SCYL1: variants seen among roughly 807,000 people sequenced by gnomAD.
The protein encoded by SCYL1 is SCY1 like pseudokinase 1.
A neutral mutation model predicts 94.8 loss-of-function variants in SCYL1; 85 were observed. That is an observed-to-expected ratio of 0.90 (90% CI 0.75 to 1.07). The LOEUF is 1.07. SCYL1 is among the 50% of genes least tolerant of loss of function. The pLI is 0.00. For synonymous variants in SCYL1, 459 were observed against 435.5 expected, an observed-to-expected ratio of 1.05 and a Z score of -0.67; for missense variants, 968 against 1,083.3, an observed-to-expected ratio of 0.89 and a Z score of 1.49.
chr11:65,535,716 C>A, intron 10 of SCYL1: 1 of 579,074 alleles, frequency 1.7e-6, no homozygotes, highest in Non-Finnish European at 3.0e-6. Flanking sequence ...TGTGTCCGAG[C>A]CCTGGGGACA....
chr11:65,525,542 G>A (rs1401523451), intron 1 of SCYL1, 32 bp from the exon 2 acceptor site: 1 of 1,605,652 alleles, frequency 6.2e-7, no homozygotes, highest in East Asian at 2.2e-5. Flanking sequence ...AACAGCTCTG[G>A]GACCATCTCA....
At position 65,536,613 on chromosome 11, in the gene SCYL1, C is replaced by A; in HGVS notation, c.1679C>A (p.Pro560His). The change falls in exon 13 of 18, where the codon CCT becomes CAT. Residue 560 changes from proline to histidine, a missense_variant. By Grantham distance (77) the Pro-to-His change is moderately conservative. Around this residue, in one of 2 missense-constraint regions of SCYL1, gnomAD observed 474 missense variants for 463.6 expected, o/e 1.02. Transcript: ENST00000270176. Reference sequence around the variant, plus strand: ...AAGGATGTCCATGCAGCCTCCAGCCCTGGCATGGGAGGAGCCGCAGCTAGC... The same window carrying A: ...AAGGATGTCCATGCAGCCTCCAGCCATGGCATGGGAGGAGCCGCAGCTAGC... ...VEKDVHAASS[P>H]GMGGAAASWA... The A allele has an allele frequency of 6.2e-7, 1 of 1,614,050 alleles. No individual in the cohort carries two copies. Among genetic ancestry groups the A allele is most frequent in the South Asian group, 1.1e-5 (1 of 91,082 alleles).
In SCYL1 at chr11:65,525,130, G is replaced by T; in HGVS notation, c.-24G>T. ...CGGAGGACCCGGAGCTAAGGCGCCC[G>T]AACCCGCGGCGGCGGTGGGGACGAT... On this transcript the variant is annotated 5_prime_UTR_variant, in exon 1 of 18. Transcript: ENST00000270176. 2 of 1,306,404 alleles carry T rather than the reference G, an allele frequency of 1.5e-6. No individual in the cohort carries two copies. The highest frequency in any genetic ancestry group is 2.2e-5 in the South Asian group (1 of 45,568). The allele number at this position is 1,306,404 out of a possible 1,614,324, so 80.9% of individuals were successfully genotyped here.
chr11:65,537,511 G>C (rs1215194784), intron 14 of SCYL1, among the ~76,000 whole-genome samples: 1 of 152,112 alleles, frequency 6.6e-6, no homozygotes, highest in East Asian at 1.9e-4. Context: ...GGGAGGACTG[G>C]GGCTGTCCTC....
In SCYL1 at chr11:65,536,998, C is replaced by T. The variant is rs772375831; in HGVS notation, c.1829C>T (p.Pro610Leu). The change falls in exon 14 of 18, where the codon CCA (proline) becomes CTA (leucine). Residue 610 changes from proline (P) to leucine (L), a missense_variant. Pro to Leu is a moderately conservative substitution (Grantham distance 98). Around this residue, in one of 2 missense-constraint regions of SCYL1, gnomAD observed 474 missense variants for 463.6 expected, o/e 1.02. Transcript: ENST00000270176. ...CTCTGCTCCCCAGGAGTTCCTGCCC[C>T]AGCCCCCACCCCTGTTCCTGCCACC... ...QRPTPEGVPA[P>L]APTPVPATPT... The T allele has an allele frequency of 9.3e-6, 15 of 1,611,914 alleles. No individual in the cohort carries two copies. The highest frequency in any genetic ancestry group is 3.3e-5 in the Admixed American group (2 of 60,002).
chr11:65,537,407 T>G (rs1013613281), intron 14 of SCYL1, among the ~76,000 whole-genome samples: 2 of 152,098 alleles, frequency 1.3e-5, no homozygotes, highest in African/African-American at 4.8e-5. Context: ...CCTCCTCCAG[T>G]GCCCACCCAG....
At position 65,535,064 on chromosome 11, in the gene SCYL1, G is replaced by A. The variant is rs990221174; in HGVS notation, c.1231-163G>A. The A allele has an allele frequency of 6.4e-6, 5 of 779,134 alleles. No homozygotes were observed. In the African/African-American group the frequency reaches 8.8e-5, roughly 14 times the overall value. The allele number at this position is 779,134 out of a possible 1,614,324, so 48.3% of individuals were successfully genotyped here. ...TTGCTGTAAAGGGGGACAGAAATGG[G>A]GTCCCTTTCTTCAACATGCTGGACA... is the stretch of plus-strand genomic sequence containing the variant. On this transcript the variant is annotated intron_variant, in intron 9 of 17. Coordinates refer to ENST00000270176, the MANE Select transcript of SCYL1 (RefSeq NM_020680.4).
In SCYL1 at chr11:65,538,518, G is replaced by A. The variant is rs1395528046; in HGVS notation, c.2379G>A (p.Arg793=). ...RREMEAKRAE[R]KVAKGPMKLG... Reference sequence around the variant, plus strand: ...AGATGGAGGCCAAACGCGCCGAGAGGAAGGTGGCCAAGGGCCCCATGAAGC... The same window carrying A: ...AGATGGAGGCCAAACGCGCCGAGAGAAAGGTGGCCAAGGGCCCCATGAAGC... Residue 793 remains arginine (R), a synonymous_variant, in exon 18 of 18, where the codon AGG becomes AGA. Coordinates refer to ENST00000270176, the MANE Select transcript of SCYL1 (RefSeq NM_020680.4). The A allele has an allele frequency of 5.0e-6, 8 of 1,610,262 alleles. No homozygotes were observed. Among genetic ancestry groups the A allele is most frequent in the Non-Finnish European group, 6.8e-6 (8 of 1,178,988 alleles).
chr11:65,535,701 G>T, intron 10 of SCYL1: 1 of 576,494 alleles, frequency 1.7e-6, no homozygotes, highest in South Asian at 2.4e-5. Context: ...GGGAGGAAGG[G>T]AGCCTGTGTC....
At chr11:65,529,867 T>C (rs1157260220) in intron 6 of SCYL1, among the ~76,000 whole-genome samples, 1 of 152,210 alleles carries the variant, frequency 6.6e-6, no homozygotes, top group Non-Finnish European at 1.5e-5. Context: ...TTGGACAAGC[T>C]CCTTGCCCTC....
chr11:65,535,910 A>G, intron 10 of SCYL1, 43 bp from the exon 11 acceptor site: 9 of 1,512,398 alleles, frequency 6.0e-6, no homozygotes, highest in Non-Finnish European at 8.0e-6. Context: ...GGGTCCCAAC[A>G]TTGACCCTAC....
intron 9 of SCYL1, among the ~76,000 whole-genome samples, chr11:65,534,063 C>G (rs1001743971): frequency 6.6e-6 from 1 of 151,946 alleles, no homozygotes; most frequent in Non-Finnish European, 1.5e-5. Flanking sequence ...CCCGTCTCTA[C>G]TAAAAGTACA....
rs902834456 is a variant in SCYL1 at position 65,535,540 on chromosome 11, T to C, written c.1386+158T>C. On this transcript the variant is annotated intron_variant, in intron 10 of 17. Coordinates refer to ENST00000270176, the MANE Select transcript of SCYL1 (RefSeq NM_020680.4). Reference sequence around the variant, plus strand: ...TCTGGGTTCCCAGAGGAGGAGTGAGTTGGCCGAAGTCACACAGTCAGGAGG... The same window carrying C: ...TCTGGGTTCCCAGAGGAGGAGTGAGCTGGCCGAAGTCACACAGTCAGGAGG... 12 of 946,364 alleles carry C rather than the reference T, an allele frequency of 1.3e-5. No homozygotes were observed. The African/African-American group carries it at 1.7e-4, about 13-fold the overall frequency. 58.6% of individuals were successfully genotyped at this position (946,364 alleles called of 1,614,324 possible).
At position 65,525,267 on chromosome 11, in the gene SCYL1, G is replaced by A; in HGVS notation, c.111+3G>A. On this transcript the variant is annotated splice_donor_region_variant and intron_variant, in intron 1 of 17. Coordinates refer to ENST00000270176, the MANE Select transcript of SCYL1 (RefSeq NM_020680.4). ...CCCTGCACCGCGGCCGCAAGAAGGTGAGTGCGGCCGAGCTCCGTAGGCCGC... is the reference window on the plus strand; with the variant it reads ...CCCTGCACCGCGGCCGCAAGAAGGTAAGTGCGGCCGAGCTCCGTAGGCCGC... 7.0e-7 allele frequency: 1 copy of A among 1,422,360 alleles called. No homozygotes were observed. Among genetic ancestry groups the A allele is most frequent in the Non-Finnish European group, 9.2e-7 (1 of 1,083,998 alleles). The allele number at this position is 1,422,360 out of a possible 1,614,324, so 88.1% of individuals were successfully genotyped here.
At position 65,531,456 on chromosome 11, in the gene SCYL1, G is replaced by GC. The variant is rs896574076; in HGVS notation, c.1009-112dup. ...TAGAGGAGCTACTGAGGAAATGCCT[G>GC]CCCCCCCCTCCGCCATCACTTCATT... On this transcript the variant is annotated intron_variant, in intron 7 of 17. Coordinates refer to ENST00000270176, the MANE Select transcript of SCYL1 (RefSeq NM_020680.4). 3.9e-4 allele frequency: 279 copies of GC among 718,068 alleles called. 1 individual carries two copies. The highest frequency in any genetic ancestry group is 8.3e-4 in the Middle Eastern group (3 of 3,632). The allele number at this position is 718,068 out of a possible 1,614,324, so 44.5% of individuals were successfully genotyped here.
intron 9 of SCYL1, 74 bp from the exon 10 acceptor site, chr11:65,535,153 T>C: frequency 6.4e-7 from 1 of 1,572,106 alleles, no homozygotes; most frequent in Non-Finnish European, 8.7e-7. Flanking sequence ...GGATGAGGGC[T>C]GCCAGGAGGC....
chr11:65,532,288 G>A (rs551199302), intron 8 of SCYL1, among the ~76,000 whole-genome samples: 7 of 152,196 alleles, frequency 4.6e-5, no homozygotes, highest in African/African-American at 1.7e-4. Context: ...AGCCAGGTGC[G>A]GTGGTGGGTG....
rs398016427 is a variant in SCYL1, at chr11:65,532,426, G to GAA, written c.1117-247_1117-246dup. On this transcript the variant is annotated intron_variant, in intron 8 of 17. Transcript: ENST00000270176. ...GGTGACAGAGCAAGACTCTGTCTCA[G>GAA]AAAAAAAAAAAAAAAAAAAATAGAA... Among the ~76,000 whole-genome samples the GAA allele has an allele frequency of 1.5e-4, 16 of 104,190 alleles. No individual in the cohort carries two copies. In the East Asian group the frequency reaches 2.9e-3, roughly 19 times the overall value. 68.4% of individuals were successfully genotyped at this position (104,190 alleles called of 152,430 possible).
At chr11:65,528,727 C>G (rs763003013) in intron 6 of SCYL1, among the ~76,000 whole-genome samples, 30 of 150,968 alleles carry the variant, frequency 2.0e-4, no homozygotes, top group Non-Finnish European at 3.1e-4. Flanking sequence ...CACCATTGCA[C>G]TCCAGCCTGG....
Sources: allele counts gnomAD v4.1 joint callset (sites outside exome capture counted in the v4.1 genomes callset), GRCh38; gene constraint gnomAD v4.1.1; regional missense constraint gnomAD v4.1.1; transcripts MANE v1.5; gene names NCBI Gene and HGNC (gene_info 2026-07-23, HGNC 2026-07-21).